PARD3B: variants seen among roughly 807,000 people sequenced by gnomAD.
PARD3B encodes the protein partitioning defective 3 homolog B.
PARD3B carries 103 observed loss-of-function variants against 130.2 expected under a neutral mutation model. The ratio of observed to expected loss-of-function variants is 0.79; its 90% confidence interval spans 0.67 to 0.93. The LOEUF (loss-of-function observed/expected upper bound fraction) is 0.93, where lower values mean the gene tolerates loss of function less well. Among genes scored for constraint, PARD3B ranks in the 40% least tolerant of loss-of-function variants. The probability of loss-of-function intolerance (pLI) is 0.00; values close to 1 mark genes in which losing one functional copy is unlikely to be tolerated. For synonymous variants in PARD3B, 583 were observed against 553.2 expected (o/e 1.05, Z -0.76); for missense variants, 1,609 against 1,499.2 (o/e 1.07, Z -1.21).
At chr2:204,775,379 G>C (rs549856359) in intron 2 of PARD3B, among the ~76,000 whole-genome samples, 34 of 152,208 alleles carry the variant, frequency 2.2e-4, no homozygotes, top group African/African-American at 7.9e-4. Flanking sequence ...TAATTGAATG[G>C]TCAGGTGACA....
At chr2:204,695,381 C>T (rs2125263079) in intron 2 of PARD3B, among the ~76,000 whole-genome samples, 1 of 152,044 alleles carries the variant, frequency 6.6e-6, no homozygotes, top group South Asian at 2.1e-4. Flanking sequence ...TTTAAAAATG[C>T]AAATGCCTGT....
At chr2:204,723,784 TG>T (rs2039100050) in intron 2 of PARD3B, among the ~76,000 whole-genome samples, 1 of 152,140 alleles carries the variant, frequency 6.6e-6, no homozygotes. Context: ...GTGAGTATAA[TG>T]GCAATAAATT....
intron 2 of PARD3B, among the ~76,000 whole-genome samples, chr2:204,944,801 C>T (rs1433920462): frequency 6.6e-6 from 1 of 152,146 alleles, no homozygotes; most frequent in Non-Finnish European, 1.5e-5. Flanking sequence ...CCCACTTGCC[C>T]TCACTCTTTC....
chr2:205,302,065 C>CTTTTTTTTTTTTTTTTTTTTTT lies in PARD3B; in HGVS notation c.2630+366_2630+387dup, dbSNP rs3048088. ...CTATTCTTTTTTTCTTTTTTCTTTT[C>CTTTTTTTTTTTTTTTTTTTTTT]TTTTTTTTTTTTTTTTTTTTTTTGA... On this transcript the variant is annotated intron_variant, in intron 18 of 22. Coordinates refer to ENST00000406610, the MANE Select transcript of PARD3B (RefSeq NM_001302769.2). Among the ~76,000 whole-genome samples, 57 of 77,770 alleles carry CTTTTTTTTTTTTTTTTTTTTTT rather than the reference C, an allele frequency of 7.3e-4. 2 individuals carry two copies. Among genetic ancestry groups the CTTTTTTTTTTTTTTTTTTTTTT allele is most frequent in the African/African-American group, 1.2e-3 (22 of 18,900 alleles). The allele number at this position is 77,770 out of a possible 152,430, so 51.0% of individuals were successfully genotyped here. A position where few individuals can be genotyped will look rare whatever the true frequency, so the allele number is the denominator to read the frequency against.
intron 2 of PARD3B, among the ~76,000 whole-genome samples, chr2:204,855,826 C>T (rs752051862): frequency 3.3e-5 from 5 of 152,020 alleles, no homozygotes; most frequent in Non-Finnish European, 5.9e-5. Context: ...GTGCCTGGCT[C>T]ATTTCACTGA....
rs1272823518 is a variant in PARD3B, at chr2:205,473,707, T to TATAC, written c.3045-26187_3045-26184dup. Among the ~76,000 whole-genome samples the TATAC allele has an allele frequency of 1.7e-5, 2 of 114,714 alleles. No homozygotes were observed. Among genetic ancestry groups the TATAC allele is most frequent in the East Asian group, 2.0e-4 (1 of 4,996 alleles). 75.3% of individuals were successfully genotyped at this position (114,714 alleles called of 152,430 possible). A position where few individuals can be genotyped will look rare whatever the true frequency, so the allele number is the denominator to read the frequency against. On this transcript the variant is annotated intron_variant, in intron 20 of 22. Coordinates refer to ENST00000406610, the MANE Select transcript of PARD3B (RefSeq NM_001302769.2). The surrounding 1 kb of genome is among the most constrained non-coding windows in gnomAD (Gnocchi z 4.9). ...ATGTATATATATATATATATATATATATACACACACACGTATATAAAACCC... is the reference window on the plus strand; with the variant it reads ...ATGTATATATATATATATATATATATATACATACACACACACGTATATAAAACCC...
At chr2:205,200,451 G>A (rs1164845358) in intron 15 of PARD3B, among the ~76,000 whole-genome samples, 1 of 152,162 alleles carries the variant, frequency 6.6e-6, no homozygotes, top group Non-Finnish European at 1.5e-5. Flanking sequence ...GAAGAGTAAA[G>A]AAGGAAAAGG....
At chr2:204,633,925 A>T (rs1240329861) in intron 1 of PARD3B, among the ~76,000 whole-genome samples, 1 of 152,204 alleles carries the variant, frequency 6.6e-6, no homozygotes, top group Admixed American at 6.5e-5. Flanking sequence ...GTAATGTGAA[A>T]CAAGCACATG....
intron 2 of PARD3B, among the ~76,000 whole-genome samples, chr2:204,756,680 A>T (rs1006393406): frequency 5.3e-5 from 8 of 152,160 alleles, no homozygotes; most frequent in Non-Finnish European, 1.2e-4. Flanking sequence ...ACTTGCCGTC[A>T]TTCCTAATGT....
intron 15 of PARD3B, among the ~76,000 whole-genome samples, chr2:205,238,665 T>TTA (rs1398558236): frequency 1.3e-5 from 2 of 149,950 alleles, no homozygotes; most frequent in African/African-American, 4.9e-5. Context: ...AACCCCGTCT[T>TTA]TACTAAAAAT....
chr2:205,345,156 A>G (rs1187835864), intron 18 of PARD3B, among the ~76,000 whole-genome samples: 7 of 152,208 alleles, frequency 4.6e-5, no homozygotes, highest in South Asian at 4.1e-4. Flanking sequence ...TACATTTAGT[A>G]TACATTTTAT....
chr2:204,854,874 G>A (rs1016684861), intron 2 of PARD3B, among the ~76,000 whole-genome samples: 2 of 152,114 alleles, frequency 1.3e-5, no homozygotes, highest in East Asian at 3.9e-4. Context: ...GTTTAGGAAC[G>A]AAGGTTTTTA....
At chr2:204,861,300 A>G (rs564803106) in intron 2 of PARD3B, among the ~76,000 whole-genome samples, 1 of 152,094 alleles carries the variant, frequency 6.6e-6, no homozygotes, top group Admixed American at 6.5e-5. Flanking sequence ...GTAATACTTT[A>G]AGCAGAAATA....
At position 205,423,188 on chromosome 2, in the gene PARD3B, C is replaced by T. The variant is rs889804583; in HGVS notation, c.2742-17182C>T. Among the ~76,000 whole-genome samples the T allele has an allele frequency of 7.9e-5, 12 of 152,120 alleles. No individual in the cohort carries two copies. The East Asian group carries it at 9.6e-4, about 12-fold the overall frequency. ...TGGACCTTCTCTGATGGTTGCTGAG[C>T]GGCGATTGCCTAAGGCAAATGTTGG... On this transcript the variant is annotated intron_variant, in intron 19 of 22. Coordinates refer to ENST00000406610, the MANE Select transcript of PARD3B (RefSeq NM_001302769.2).
intron 1 of PARD3B, among the ~76,000 whole-genome samples, chr2:204,560,234 A>G (rs145189989): frequency 1.3e-5 from 2 of 152,330 alleles, no homozygotes; most frequent in East Asian, 1.9e-4. Flanking sequence ...CAGACTTCCA[A>G]TTAGGGGATC....
rs372946673 is a variant in PARD3B at position 204,958,157 on chromosome 2, T to A, written c.223-6995T>A. Among the ~76,000 whole-genome samples the A allele has an allele frequency of 5.9e-5, 9 of 152,310 alleles. No homozygotes were observed. The East Asian group carries it at 1.7e-3, about 29-fold the overall frequency. On this transcript the variant is annotated intron_variant, in intron 2 of 22. Coordinates refer to ENST00000406610, the MANE Select transcript of PARD3B (RefSeq NM_001302769.2). ...ACAGTTGATTTTACTCTGTAGCATT[T>A]GGATGATTCTTTTTTATTTTCTACA... is the stretch of plus-strand genomic sequence containing the variant.
intron 4 of PARD3B, among the ~76,000 whole-genome samples, chr2:205,100,948 C>T (rs1702737499): frequency 2.0e-5 from 3 of 151,974 alleles, no homozygotes. Context: ...TTCTTAGATA[C>T]AAAACCAAAA....
chr2:205,370,935 T>A (rs1382526684), intron 18 of PARD3B, among the ~76,000 whole-genome samples: 1 of 152,142 alleles, frequency 6.6e-6, no homozygotes. Flanking sequence ...ATATTTCTTG[T>A]GTATGTCATT....
chr2:204,577,849 T>G (rs1574489479), intron 1 of PARD3B, among the ~76,000 whole-genome samples: 1 of 152,314 alleles, frequency 6.6e-6, no homozygotes, highest in Admixed American at 6.5e-5. Context: ...ATTATAGACA[T>G]CAGCCACTGT....
Sources: allele counts gnomAD v4.1 joint callset (sites outside exome capture counted in the v4.1 genomes callset), GRCh38; gene constraint gnomAD v4.1.1; non-coding constraint Gnocchi (gnomAD v3.1); transcripts MANE v1.5; gene names NCBI Gene and HGNC (gene_info 2026-07-23, HGNC 2026-07-21).